NPAS3: variants seen among roughly 807,000 people sequenced by gnomAD.
NPAS3 encodes neuronal PAS domain-containing protein 3.
Under a neutral mutation model 73.1 loss-of-function variants are expected in NPAS3, and 14 were observed. That is an observed-to-expected ratio of 0.19 (90% CI 0.13 to 0.30). The LOEUF (loss-of-function observed/expected upper bound fraction) is 0.30. Among genes scored for constraint, NPAS3 ranks in the 10% least tolerant of loss-of-function variants. The pLI, the probability that NPAS3 is intolerant of heterozygous loss-of-function variation, is 1.00. For missense variants in NPAS3, 1,096 were observed against 1,250.0 expected, an observed-to-expected ratio of 0.88 and a Z score of 1.86; for synonymous variants, 620 against 541.5, an observed-to-expected ratio of 1.14 and a Z score of -2.01.
intron 4 of NPAS3, among the ~76,000 whole-genome samples, chr14:33,405,302 G>C (rs1254657906): frequency 1.3e-5 from 2 of 152,052 alleles, no homozygotes; most frequent in African/African-American, 4.8e-5. Flanking sequence ...GGCCATTTCT[G>C]AACAGAATAA....
intron 6 of NPAS3, among the ~76,000 whole-genome samples, chr14:33,699,257 CATT>C (rs1026537105): frequency 1.3e-4 from 19 of 151,864 alleles, no homozygotes; most frequent in African/African-American, 4.4e-4. Flanking sequence ...AAATAAATAT[CATT>C]AATTAAAACC....
chr14:33,638,515 G>C (rs2058588675), intron 5 of NPAS3, among the ~76,000 whole-genome samples: 1 of 152,158 alleles, frequency 6.6e-6, no homozygotes, highest in South Asian at 2.1e-4. Flanking sequence ...GTGTAGTTCT[G>C]TTCTGTAGAT....
intron 1 of NPAS3, among the ~76,000 whole-genome samples, chr14:32,950,487 G>A (rs922448750): frequency 2.6e-5 from 4 of 151,988 alleles, no homozygotes; most frequent in Non-Finnish European, 5.9e-5. Context: ...ATATATTATT[G>A]CTGTTAGGAT....
At chr14:32,975,896 T>TGAGA (rs1555313581) in intron 1 of NPAS3, among the ~76,000 whole-genome samples, 4,568 of 142,114 alleles carry the variant, frequency 0.032, 113 homozygotes, top group East Asian at 0.076. Flanking sequence ...TGTGTGTGTG[T>TGAGA]GAGAGAGAGA....
At chr14:33,524,070 T>A (rs1314098374) in intron 4 of NPAS3, among the ~76,000 whole-genome samples, 1 of 152,104 alleles carries the variant, frequency 6.6e-6, no homozygotes, top group Non-Finnish European at 1.5e-5. Flanking sequence ...TTTGGGGAAA[T>A]TTTTTTAGGT....
intron 5 of NPAS3, among the ~76,000 whole-genome samples, chr14:33,572,888 T>C (rs941248219): frequency 2.0e-5 from 3 of 151,916 alleles, no homozygotes; most frequent in African/African-American, 7.3e-5. Context: ...CCAGGTGTGG[T>C]GGCGGGTGCC....
intron 2 of NPAS3, among the ~76,000 whole-genome samples, chr14:33,172,330 G>A (rs1303489247): frequency 6.6e-6 from 1 of 152,198 alleles, no homozygotes; most frequent in Non-Finnish European, 1.5e-5. Context: ...GCCTGTACTT[G>A]AGAGTAGAGT....
chr14:33,673,778 GCTGCCACTTTTAGAAGA>G (rs2059677317), intron 5 of NPAS3, among the ~76,000 whole-genome samples: 1 of 152,186 alleles, frequency 6.6e-6, no homozygotes, highest in Non-Finnish European at 1.5e-5. Flanking sequence ...GAGCAGCAAT[GCTGCCACTTTTAGAAGA>G]GGAAACTGAA....
chr14:33,153,645 G>A (rs1247884492), intron 2 of NPAS3, among the ~76,000 whole-genome samples: 1 of 152,118 alleles, frequency 6.6e-6, no homozygotes, highest in Non-Finnish European at 1.5e-5. Flanking sequence ...TACAGAGGTG[G>A]TCTCAGCAGC....
intron 2 of NPAS3, among the ~76,000 whole-genome samples, chr14:33,073,081 A>G (rs1250146585): frequency 6.6e-6 from 1 of 152,188 alleles, no homozygotes; most frequent in Non-Finnish European, 1.5e-5. Context: ...TTCCATTTTA[A>G]TCACTGGGCA....
chr14:33,724,226 C>T (rs1443956686), intron 6 of NPAS3, among the ~76,000 whole-genome samples: 1 of 152,088 alleles, frequency 6.6e-6, no homozygotes, highest in African/African-American at 2.4e-5. Flanking sequence ...TCAGATTGAT[C>T]AGGAAAACAC....
chr14:33,208,216 A>G (rs1237276059), intron 2 of NPAS3, among the ~76,000 whole-genome samples: 3 of 152,182 alleles, frequency 2.0e-5, no homozygotes, highest in Non-Finnish European at 4.4e-5. Flanking sequence ...ACCAAAGCAT[A>G]CAATGAATAG....
intron 3 of NPAS3, among the ~76,000 whole-genome samples, chr14:33,286,648 G>A (rs1408374233): frequency 6.6e-6 from 1 of 152,088 alleles, no homozygotes; most frequent in South Asian, 2.1e-4. Flanking sequence ...TAGCATGAAT[G>A]TGAGGGCTTT....
intron 3 of NPAS3, among the ~76,000 whole-genome samples, chr14:33,263,152 T>C (rs1171842445): frequency 6.6e-6 from 1 of 152,226 alleles, no homozygotes; most frequent in East Asian, 1.9e-4. Context: ...TTTTGGCTTT[T>C]GTTGCCATTG....
Position 33,669,363 on chromosome 14 carries a change from T to C in NPAS3, c.559-6848T>C, listed in dbSNP as rs1485820583. 3.9e-5 allele frequency among the ~76,000 whole-genome samples: 6 copies of C among 152,314 alleles called. No homozygotes were observed. The South Asian group carries it at 8.3e-4, about 21-fold the overall frequency. On this transcript the variant is annotated intron_variant, in intron 5 of 11. Coordinates refer to ENST00000356141, the Ensembl canonical transcript of NPAS3. ...ATGGGAACCTTGTAAAACAAGGTTT[T>C]AAAATTTCTTGGTTTAGTCACTTTC...
chr14:33,467,135 C>T (rs1392973516), intron 4 of NPAS3, among the ~76,000 whole-genome samples: 6 of 152,274 alleles, frequency 3.9e-5, no homozygotes, highest in African/African-American at 1.4e-4. Flanking sequence ...TGTGACTTTG[C>T]GCTGCTCACT....
intron 3 of NPAS3, among the ~76,000 whole-genome samples, chr14:33,362,142 G>A (rs2045632623): frequency 6.6e-6 from 1 of 152,118 alleles, no homozygotes. Context: ...TGCTATATGG[G>A]TTAAGCTGGT....
At chr14:33,668,364 T>C (rs2059515424) in intron 5 of NPAS3, among the ~76,000 whole-genome samples, 1 of 152,210 alleles carries the variant, frequency 6.6e-6, no homozygotes, top group African/African-American at 2.4e-5. Context: ...TGTGTAATTG[T>C]TATATGGGTG....
At chr14:33,331,545 C>T (rs1415854347) in intron 3 of NPAS3, among the ~76,000 whole-genome samples, 1 of 151,522 alleles carries the variant, frequency 6.6e-6, no homozygotes, top group Non-Finnish European at 1.5e-5. Flanking sequence ...TTATCTCCCC[C>T]CACCGCTTTT....
Sources: gnomAD v4.1 joint callset for allele counts (sites outside exome capture counted in the v4.1 genomes callset) on GRCh38, gnomAD v4.1.1 for gene constraint, MANE v1.5 for transcripts, NCBI Gene and HGNC (gene_info 2026-07-23, HGNC 2026-07-21) for gene names.